The following SLIT2 variants were observed in gnomAD, a reference collection of about 807,000 sequenced individuals.
SLIT2 encodes the protein slit homolog 2 protein.
Under a neutral mutation model 185.7 loss-of-function variants are expected in SLIT2, and 41 were observed. The observed-to-expected ratio is 0.22, with a 90% confidence interval of 0.17 to 0.29. The LOEUF is 0.29. Among genes scored for constraint, SLIT2 ranks in the 10% least tolerant of loss-of-function variants. The pLI, the probability that SLIT2 is intolerant of heterozygous loss-of-function variation, is 1.00. For missense variants in SLIT2, 1,571 were observed against 1,909.0 expected (o/e 0.82, Z 3.30); for synonymous variants, 693 against 680.2 (o/e 1.02, Z -0.29).
chr4:20,591,962 C>A (rs1727553194), intron 30 of SLIT2, among the ~76,000 whole-genome samples: 3 of 152,074 alleles, frequency 2.0e-5, no homozygotes, highest in Admixed American at 2.0e-4. Context: ...TATGGACTAA[C>A]TCATTTGGAA....
intron 5 of SLIT2, among the ~76,000 whole-genome samples, chr4:20,469,209 G>A (rs575318711): frequency 5.9e-4 from 90 of 152,208 alleles, no homozygotes; most frequent in African/African-American, 1.9e-3. Context: ...TTCCTATGTA[G>A]CATTTACTTA....
intron 29 of SLIT2, among the ~76,000 whole-genome samples, chr4:20,587,738 T>C (rs1727179384): frequency 6.6e-6 from 1 of 152,234 alleles, no homozygotes; most frequent in South Asian, 2.1e-4. Flanking sequence ...ATTACATTCA[T>C]CCTTGTAGCT....
At chr4:20,459,938 A>G (rs1713511725) in intron 4 of SLIT2, among the ~76,000 whole-genome samples, 1 of 148,324 alleles carries the variant, frequency 6.7e-6, no homozygotes, top group Admixed American at 6.9e-5. Context: ...ATTTTGGCTC[A>G]CTGCAACCTC....
intron 4 of SLIT2, among the ~76,000 whole-genome samples, chr4:20,300,042 T>C (rs1044899761): frequency 2.6e-5 from 4 of 152,172 alleles, no homozygotes; most frequent in African/African-American, 4.8e-5. Flanking sequence ...ATATGGAACA[T>C]TTTAATGCTC....
At chr4:20,270,248 A>G (rs1713463962) in intron 4 of SLIT2, among the ~76,000 whole-genome samples, 1 of 151,918 alleles carries the variant, frequency 6.6e-6, no homozygotes, top group Non-Finnish European at 1.5e-5. Flanking sequence ...TGGTTTTGAT[A>G]GTATTTCACT....
intron 16 of SLIT2, among the ~76,000 whole-genome samples, chr4:20,530,126 A>G (rs181448362): frequency 6.7e-6 from 1 of 150,278 alleles, no homozygotes; most frequent in Non-Finnish European, 1.5e-5. Flanking sequence ...CTATTAGTTG[A>G]TGAAGCTATT....
At chr4:20,465,424 T>C (rs115574297) in intron 4 of SLIT2, among the ~76,000 whole-genome samples, 159 of 152,294 alleles carry the variant, frequency 1.0e-3, no homozygotes, top group Middle Eastern at 3.4e-3. Flanking sequence ...AATTTGTTAG[T>C]TTCTTCCTCC....
At chr4:20,443,969 A>C (rs1018160479) in intron 4 of SLIT2, among the ~76,000 whole-genome samples, 1 of 152,200 alleles carries the variant, frequency 6.6e-6, no homozygotes, top group Non-Finnish European at 1.5e-5. Flanking sequence ...ATACCATTTG[A>C]CTAGAAAGGA....
At chr4:20,608,092 G>A (rs1010849708) in intron 33 of SLIT2, among the ~76,000 whole-genome samples, 1 of 152,004 alleles carries the variant, frequency 6.6e-6, no homozygotes, top group Non-Finnish European at 1.5e-5. Context: ...CATGATGATC[G>A]TGGTTGGGTG....
chr4:20,596,339 G>A (rs1229456082), intron 31 of SLIT2, 76 bp from the exon 32 acceptor site: 2 of 1,368,016 alleles, frequency 1.5e-6, no homozygotes, highest in African/African-American at 1.4e-5. Flanking sequence ...ATACAGTTAT[G>A]TTATACAGCT....
At position 20,253,988 on chromosome 4, in the gene SLIT2, A is replaced by G. The variant is rs1292443457; in HGVS notation, c.173A>G (p.Glu58Gly). Residue 58 changes from glutamate to glycine, a missense_variant, in exon 1 of 37, where the codon GAG becomes GGG. This residue lies in a region of SLIT2 where 1,202 missense variants were observed against 1,416.4 expected (regional missense o/e 0.85). Transcript: ENST00000504154. ...SVPRNIPRNT[E>G]RLDLNGNNIT... ...CCCAGGAATATCCCCCGCAACACCG[A>G]GAGACTGTGAGTATGCGCTCTTCGT... The G allele has an allele frequency of 6.2e-7, 1 of 1,601,960 alleles. No homozygotes were observed. Among genetic ancestry groups the G allele is most frequent in the Non-Finnish European group, 8.5e-7 (1 of 1,179,094 alleles).
At chr4:20,478,176 A>T (rs1411946822) in intron 5 of SLIT2, among the ~76,000 whole-genome samples, 1 of 152,218 alleles carries the variant, frequency 6.6e-6, no homozygotes, top group Non-Finnish European at 1.5e-5. Context: ...CAAAAAATTG[A>T]CAGGTTAATG....
intron 19 of SLIT2, among the ~76,000 whole-genome samples, chr4:20,541,194 A>AT (rs1281212098): frequency 6.6e-6 from 1 of 152,054 alleles, no homozygotes; most frequent in African/African-American, 2.4e-5. Flanking sequence ...ACCTTACCTT[A>AT]TTTTTTGCAT....
intron 4 of SLIT2, among the ~76,000 whole-genome samples, chr4:20,351,179 G>A (rs1174393771): frequency 1.3e-5 from 2 of 151,782 alleles, no homozygotes; most frequent in African/African-American, 2.4e-5. Context: ...CTCCTGAGTA[G>A]CTTGGATTTC....
chr4:20,613,480 G>T (rs552092481), intron 34 of SLIT2, among the ~76,000 whole-genome samples: 1 of 152,122 alleles, frequency 6.6e-6, no homozygotes, highest in Admixed American at 6.5e-5. Flanking sequence ...ACAGAGAGGG[G>T]AACAACACAC....
At chr4:20,517,895 A>G (rs1720354761) in intron 11 of SLIT2, among the ~76,000 whole-genome samples, 1 of 151,796 alleles carries the variant, frequency 6.6e-6, no homozygotes, top group South Asian at 2.1e-4. Context: ...TTTTCTTTAT[A>G]TGTTATGGCA....
At chr4:20,444,159 A>G (rs1427531252) in intron 4 of SLIT2, among the ~76,000 whole-genome samples, 1 of 152,138 alleles carries the variant, frequency 6.6e-6, no homozygotes, top group Non-Finnish European at 1.5e-5. Context: ...TTCTGAGTTG[A>G]GAAGACAGAC....
intron 4 of SLIT2, among the ~76,000 whole-genome samples, chr4:20,314,783 G>A (rs1718419883): frequency 1.3e-5 from 2 of 152,084 alleles, no homozygotes; most frequent in Non-Finnish European, 2.9e-5. Flanking sequence ...ACAAAGAACT[G>A]CAGATGGTCA....
At chr4:20,472,292 A>C (rs1365291641) in intron 5 of SLIT2, among the ~76,000 whole-genome samples, 1 of 31,122 alleles carries the variant, frequency 3.2e-5, no homozygotes. Context: ...ATATAGATAT[A>C]TAGATATATA....
Sources: gnomAD v4.1 joint callset for allele counts (sites outside exome capture counted in the v4.1 genomes callset) on GRCh38, gnomAD v4.1.1 for gene constraint, gnomAD v4.1.1 regional missense constraint, MANE v1.5 for transcripts, NCBI Gene and HGNC (gene_info 2026-07-23, HGNC 2026-07-21) for gene names.